WWC1: variants seen among roughly 807,000 people sequenced by gnomAD.
WWC1 encodes the protein protein KIBRA.
A neutral mutation model predicts 138.4 loss-of-function variants in WWC1; 55 were observed. That is an observed-to-expected ratio of 0.40 (90% CI 0.32 to 0.50). WWC1 has a LOEUF of 0.50. Ranked by LOEUF, WWC1 falls within the 20% of genes least tolerant of loss-of-function variation. WWC1 has a pLI of 0.72. For synonymous variants in WWC1, 524 were observed against 564.9 expected (o/e 0.93, Z 1.03); for missense variants, 1,226 against 1,420.4 (o/e 0.86, Z 2.20).
At chr5:168,381,865 C>T (rs1237866450) in intron 2 of WWC1, among the ~76,000 whole-genome samples, 1 of 148,278 alleles carries the variant, frequency 6.7e-6, no homozygotes, top group Non-Finnish European at 1.5e-5. Flanking sequence ...AGCAATTTCA[C>T]TGAGAATGTG....
intron 15 of WWC1, among the ~76,000 whole-genome samples, chr5:168,433,785 G>A (rs1279772901): frequency 1.3e-5 from 2 of 152,178 alleles, no homozygotes; most frequent in Non-Finnish European, 2.9e-5. Context: ...TGATCCGCCT[G>A]TCTCCACCTC....
intron 11 of WWC1, among the ~76,000 whole-genome samples, chr5:168,424,473 A>G (rs1263081326): frequency 6.6e-6 from 1 of 152,242 alleles, no homozygotes; most frequent in Non-Finnish European, 1.5e-5. Flanking sequence ...GGCACAGGGA[A>G]TAAACCTGCA....
chr5:168,373,385 C>G (rs1252739004), intron 2 of WWC1, among the ~76,000 whole-genome samples: 1 of 152,000 alleles, frequency 6.6e-6, no homozygotes, highest in Non-Finnish European at 1.5e-5. Flanking sequence ...AGGAAGAATT[C>G]TATCTGGTAG....
chr5:168,444,386 T>C (rs1483979701), intron 16 of WWC1, 108 bp from the exon 17 acceptor site: 3 of 1,144,386 alleles, frequency 2.6e-6, no homozygotes, highest in East Asian at 5.3e-5. Context: ...GTCTTTGGTT[T>C]CACCATCAAT....
intron 1 of WWC1, among the ~76,000 whole-genome samples, chr5:168,301,481 C>CA (rs1260000489): frequency 1.3e-5 from 2 of 151,934 alleles, no homozygotes; most frequent in African/African-American, 2.4e-5. Flanking sequence ...ACTAAATATA[C>CA]AAAAAAATTA....
chr5:168,376,953 A>G (rs1410991208), intron 2 of WWC1, among the ~76,000 whole-genome samples: 1 of 152,218 alleles, frequency 6.6e-6, no homozygotes, highest in African/African-American at 2.4e-5. Context: ...TTCGAGCCAG[A>G]AAAGAGTCCA....
At chr5:168,300,582 A>AG (rs1491187736) in intron 1 of WWC1, among the ~76,000 whole-genome samples, 2 of 63,698 alleles carry the variant, frequency 3.1e-5, no homozygotes, top group Non-Finnish European at 6.5e-5. Flanking sequence ...GGTCAGCCAG[A>AG]AAAAAAAAAA....
At chr5:168,384,876 C>T (rs1015696327) in intron 2 of WWC1, among the ~76,000 whole-genome samples, 1 of 152,026 alleles carries the variant, frequency 6.6e-6, no homozygotes, top group African/African-American at 2.4e-5. Flanking sequence ...TGCCACCATA[C>T]TGGCTAATTT....
chr5:168,429,469 G>A (rs1311819048), intron 13 of WWC1, among the ~76,000 whole-genome samples: 3 of 151,882 alleles, frequency 2.0e-5, no homozygotes, highest in Non-Finnish European at 4.4e-5. Context: ...ATGTTGGCCA[G>A]GCTAGTCTCA....
intron 8 of WWC1, chr5:168,410,324 G>A (rs1007537829): frequency 3.2e-6 from 1 of 316,202 alleles, no homozygotes; most frequent in Non-Finnish European, 6.0e-6. Context: ...TGGTTTGAAG[G>A]AGTACAACTG....
At chr5:168,312,919 C>T (rs1027226267) in intron 1 of WWC1, among the ~76,000 whole-genome samples, 6 of 151,314 alleles carry the variant, frequency 4.0e-5, no homozygotes, top group African/African-American at 1.5e-4. Flanking sequence ...AGTAATTCTC[C>T]TGTCTCAGCC....
chr5:168,314,092 A>G (rs956434651), intron 1 of WWC1, among the ~76,000 whole-genome samples: 1 of 152,152 alleles, frequency 6.6e-6, no homozygotes, highest in Non-Finnish European at 1.5e-5. Flanking sequence ...AGGTGGGAGC[A>G]CTCATGGCAG....
intron 1 of WWC1, among the ~76,000 whole-genome samples, chr5:168,355,396 A>C (rs1775316421): frequency 6.8e-6 from 1 of 147,428 alleles, no homozygotes; most frequent in Non-Finnish European, 1.5e-5. Context: ...CAGAAGGCTG[A>C]GGCAGGAGAA....
intron 9 of WWC1, chr5:168,415,796 T>G (rs1249414179): frequency 1.4e-3 from 2 of 1,382 alleles, no homozygotes; most frequent in African/African-American, 2.1e-3. Flanking sequence ...AGTGTGTGTG[T>G]GTGGGGGGGG....
chr5:168,371,569 C>T (rs1776754343), intron 2 of WWC1, 36 bp downstream of exon 2: 3 of 1,509,746 alleles, frequency 2.0e-6, no homozygotes, highest in Non-Finnish European at 2.8e-6. Flanking sequence ...CCTGTGCCCT[C>T]TTCATCCCTC....
At chr5:168,335,875 A>G (rs1372597918) in intron 1 of WWC1, among the ~76,000 whole-genome samples, 3 of 152,256 alleles carry the variant, frequency 2.0e-5, no homozygotes, top group African/African-American at 7.2e-5. Context: ...CAGAACCAGG[A>G]TACAGACACA....
chr5:168,435,516 T>C (rs1448220382), intron 15 of WWC1, among the ~76,000 whole-genome samples: 1 of 152,124 alleles, frequency 6.6e-6, no homozygotes, highest in Non-Finnish European at 1.5e-5. Context: ...GCTCAAGTGA[T>C]CCTCCCACTT....
chr5:168,318,645 C>T (rs893161852), intron 1 of WWC1, among the ~76,000 whole-genome samples: 3 of 151,742 alleles, frequency 2.0e-5, no homozygotes, highest in Non-Finnish European at 4.4e-5. Context: ...CTGCAGCCTC[C>T]ACCTCCTGGG....
In WWC1 at chr5:168,404,142, C is replaced by T. The variant is rs115276925; in HGVS notation, c.591-2056C>T. ...CTTCTGTCTCATCCTGCAAGGGATT[C>T]GAAGCCCTTCTTGCCCTGTTGGCAG... On this transcript the variant is annotated intron_variant, in intron 5 of 22. Coordinates refer to ENST00000265293, the MANE Select transcript of WWC1 (RefSeq NM_015238.3). Among the ~76,000 whole-genome samples the T allele has an allele frequency of 6.6e-3, 1,010 of 152,220 alleles. 9 individuals are homozygous for T. The highest frequency in any genetic ancestry group is 0.024 in the African/African-American group (977 of 41,538).
Sources: gnomAD v4.1 joint callset for allele counts (sites outside exome capture counted in the v4.1 genomes callset) on GRCh38, gnomAD v4.1.1 for gene constraint, MANE v1.5 for transcripts, NCBI Gene and HGNC (gene_info 2026-07-23, HGNC 2026-07-21) for gene names.